GIT2: variants seen among roughly 807,000 people sequenced by gnomAD.
GIT2 encodes the protein ARF GTPase-activating protein GIT2.
A neutral mutation model predicts 100.3 loss-of-function variants in GIT2; 32 were observed. The observed-to-expected ratio is 0.32, with a 90% CI of 0.24 to 0.43. GIT2 has a LOEUF of 0.43. Ranked by LOEUF, GIT2 falls within the 20% of genes least tolerant of loss-of-function variation. The probability of loss-of-function intolerance (pLI) is 1.00; values close to 1 mark genes in which losing one functional copy is unlikely to be tolerated. For synonymous variants in GIT2, 353 were observed against 364.1 expected (o/e 0.97, Z 0.35); for missense variants, 737 against 975.1 (o/e 0.76, Z 3.25).
chr12:109,942,636 T>C (rs1875134948), intron 16 of GIT2, among the ~76,000 whole-genome samples: 1 of 152,210 alleles, frequency 6.6e-6, no homozygotes, highest in Admixed American at 6.5e-5. Flanking sequence ...GTCTGGCCTT[T>C]ATAATGAATC....
chr12:109,965,590 A>G lies in GIT2; in HGVS notation c.765-13T>C. 6.4e-7 allele frequency: 1 copy of G among 1,556,220 alleles called. No homozygotes were observed. The highest frequency in any genetic ancestry group is 8.8e-7 in the Non-Finnish European group (1 of 1,134,456). Reference sequence around the variant, plus strand: ...CAAATCCAGGCTGCTAAGAAAACATACAAAGCTAATAAGCAAATAAATAAA... The same window carrying G: ...CAAATCCAGGCTGCTAAGAAAACATGCAAAGCTAATAAGCAAATAAATAAA... On this transcript the variant is annotated splice_polypyrimidine_tract_variant and intron_variant, in intron 8 of 19. Coordinates refer to ENST00000355312, the MANE Select transcript of GIT2 (RefSeq NM_057169.5).
At chr12:109,944,026 T>C (rs1361136513) in intron 16 of GIT2, among the ~76,000 whole-genome samples, 1 of 151,912 alleles carries the variant, frequency 6.6e-6, no homozygotes, top group Non-Finnish European at 1.5e-5. Flanking sequence ...TCCAAAAGGG[T>C]CAGGGCATGG....
Position 109,965,529 on chromosome 12 carries a change from T to A in GIT2, c.813A>T (p.Gln271His). ...ELAKAAKKKL[Q>H]SLSNHLFEEL... is the part of the protein sequence containing the mutation. ...ACCAGTACAGAGAAATACTCACAGA[T>A]TGAAGTTTCTTCTTAGCAGCTTTTG... is the stretch of plus-strand genomic sequence containing the variant. The change falls in exon 9 of 20, where the codon CAA (glutamine) becomes CAT (histidine). Residue 271 changes from glutamine (Q) to histidine (H), a missense_variant. Transcript: ENST00000355312. 13 of 1,580,382 alleles carry A rather than the reference T, an allele frequency of 8.2e-6. No individual in the cohort carries two copies. Among genetic ancestry groups the A allele is most frequent in the Non-Finnish European group, 1.1e-5 (13 of 1,151,550 alleles).
Position 109,934,826 on chromosome 12 carries a change from A to G in GIT2, c.2004-741T>C, listed in dbSNP as rs1326715282. Reference sequence around the variant, plus strand: ...CGCAGTGGCTCACGCCTGTAATCCCAGCACTTTGGGAGGCCAAAGCGGGCG... The same window carrying G: ...CGCAGTGGCTCACGCCTGTAATCCCGGCACTTTGGGAGGCCAAAGCGGGCG... On this transcript the variant is annotated intron_variant, in intron 18 of 19. Transcript: ENST00000355312. The surrounding 1 kb of genome is among the most constrained non-coding windows in gnomAD (Gnocchi z 4.5). Among the ~76,000 whole-genome samples, 1 of 152,234 alleles carries G rather than the reference A, an allele frequency of 6.6e-6. No individual in the cohort carries two copies. The highest frequency in any genetic ancestry group is 1.5e-5 in the Non-Finnish European group (1 of 68,036).
At chr12:109,941,131 G>A (rs1227616531) in intron 16 of GIT2, among the ~76,000 whole-genome samples, 1 of 152,128 alleles carries the variant, frequency 6.6e-6, no homozygotes, top group African/African-American at 2.4e-5. Flanking sequence ...CTCCACGCAT[G>A]CTGTTTAGTT....
intron 16 of GIT2, 119 bp downstream of exon 16, chr12:109,945,141 G>A (rs1291061126): frequency 3.1e-6 from 2 of 651,080 alleles, no homozygotes; most frequent in African/African-American, 1.8e-5. Context: ...AGGAGGAAGT[G>A]CTGCCTCATG....
At chr12:109,991,220 GA>G (rs1475939654) in intron 2 of GIT2, among the ~76,000 whole-genome samples, 10 of 151,076 alleles carry the variant, frequency 6.6e-5, no homozygotes, top group African/African-American at 2.4e-4. Context: ...TGAGGCAGGA[GA>G]ATTGCTTGAA....
Position 109,934,478 on chromosome 12 carries a change from T to A in GIT2, c.2004-393A>T, listed in dbSNP as rs187404948. Among the ~76,000 whole-genome samples the A allele has an allele frequency of 6.9e-3, 1,047 of 152,274 alleles. 19 individuals carry two copies. Among genetic ancestry groups the A allele is most frequent in the African/African-American group, 0.024 (1,008 of 41,556 alleles). ...AGTGAAAAATAAAGGACTGAAAAAA[T>A]TCCTTAAAATTAGAATTGGAGTCTC... is the stretch of plus-strand genomic sequence containing the variant. On this transcript the variant is annotated intron_variant, in intron 18 of 19. Coordinates refer to ENST00000355312, the MANE Select transcript of GIT2 (RefSeq NM_057169.5). The surrounding 1 kb of genome is among the most constrained non-coding windows in gnomAD (Gnocchi z 4.5).
At chr12:109,985,389 C>T (rs892899820) in intron 4 of GIT2, among the ~76,000 whole-genome samples, 1 of 152,180 alleles carries the variant, frequency 6.6e-6, no homozygotes. Context: ...ATTCTGAATT[C>T]TTCAGCCAGA....
chr12:109,934,589 C>T lies in GIT2; in HGVS notation c.2004-504G>A, dbSNP rs1407275498. Among the ~76,000 whole-genome samples the T allele has an allele frequency of 2.0e-5, 3 of 152,136 alleles. No individual in the cohort carries two copies. Among genetic ancestry groups the T allele is most frequent in the African/African-American group, 7.2e-5 (3 of 41,426 alleles). On this transcript the variant is annotated intron_variant, in intron 18 of 19. Coordinates refer to ENST00000355312, the MANE Select transcript of GIT2 (RefSeq NM_057169.5). The surrounding 1 kb of genome is among the most constrained non-coding windows in gnomAD (Gnocchi z 4.5). ...TGTAGAGGAGTCCCACTATGTCGCC[C>T]AGCCTTGTGTTGAACTCCTGGATTC... is the stretch of plus-strand genomic sequence containing the variant.
chr12:109,944,152 C>G (rs1490881740), intron 16 of GIT2, among the ~76,000 whole-genome samples: 1 of 152,112 alleles, frequency 6.6e-6, no homozygotes, highest in Admixed American at 6.5e-5. Context: ...TATTGTACTA[C>G]AGACTGGGCA....
At chr12:109,994,971 C>A (rs1171340151) in intron 1 of GIT2, among the ~76,000 whole-genome samples, 1 of 152,192 alleles carries the variant, frequency 6.6e-6, no homozygotes, top group Non-Finnish European at 1.5e-5. Flanking sequence ...GGCCATAAAA[C>A]AACCACATGA....
Position 109,991,749 on chromosome 12 carries a change from C to T in GIT2, c.64G>A (p.Ala22Thr). 3 of 1,612,634 alleles carry T rather than the reference C, an allele frequency of 1.9e-6. No homozygotes were observed. Among genetic ancestry groups the T allele is most frequent in the Non-Finnish European group, 2.5e-6 (3 of 1,179,142 alleles). ...AAAAACGTTCCCCTATTTACTGATG[C>T]CCAGGAAGGATCTGGAAAGAGAGTG... ...ADCSGPDPSW[A>T]SVNRGTFLCD... is the part of the protein sequence containing the mutation. The change falls in exon 2 of 20, where the codon GCA (alanine) becomes ACA (threonine). Residue 22 changes from alanine to threonine, a missense_variant. Around this residue, in one of 3 missense-constraint regions of GIT2, gnomAD observed 266 missense variants for 376.2 expected, o/e 0.71. Coordinates refer to ENST00000355312, the MANE Select transcript of GIT2 (RefSeq NM_057169.5).
chr12:109,983,843 T>C, intron 4 of GIT2, 149 bp from the exon 5 acceptor site: 1 of 593,862 alleles, frequency 1.7e-6, no homozygotes, highest in Non-Finnish European at 3.0e-6. Flanking sequence ...AGTCTCTCCT[T>C]TGCCAGTCAC....
intron 12 of GIT2, chr12:109,954,354 G>A (rs531848382): frequency 2.0e-5 from 3 of 151,880 alleles, no homozygotes; most frequent in South Asian, 2.1e-4. Context: ...GCATCTCAGC[G>A]AGAGAAAGAG....
intron 2 of GIT2, among the ~76,000 whole-genome samples, chr12:109,990,437 G>A (rs140760601): frequency 1.3e-5 from 2 of 152,314 alleles, no homozygotes; most frequent in Non-Finnish European, 2.9e-5. Flanking sequence ...TCACATGAGC[G>A]TGAGCGGTTA....
intron 16 of GIT2, chr12:109,939,672 A>AAAAATAAAT (rs1043332903): frequency 3.5e-5 from 5 of 141,904 alleles, no homozygotes; most frequent in Non-Finnish European, 6.1e-5. Context: ...GCAACATTTA[A>AAAAATAAAT]AAAATAAATA....
intron 12 of GIT2, among the ~76,000 whole-genome samples, chr12:109,956,356 A>G (rs1010316726): frequency 1.3e-5 from 2 of 152,184 alleles, no homozygotes; most frequent in Non-Finnish European, 2.9e-5. Flanking sequence ...AAACAGTGAA[A>G]TGACCAATGA....
At chr12:109,989,590 T>C (rs1888019318) in intron 3 of GIT2, 100 bp downstream of exon 3, 1 of 680,968 alleles carries the variant, frequency 1.5e-6, no homozygotes, top group Non-Finnish European at 2.6e-6. Flanking sequence ...AACCCCCTCC[T>C]CTGCTGCCCT....
Sources: allele counts gnomAD v4.1 joint callset (sites outside exome capture counted in the v4.1 genomes callset), GRCh38; gene constraint gnomAD v4.1.1; regional missense constraint gnomAD v4.1.1; non-coding constraint Gnocchi (gnomAD v3.1); transcripts MANE v1.5; gene names NCBI Gene and HGNC (gene_info 2026-07-23, HGNC 2026-07-21).